ANKRD13D: variants seen among roughly 807,000 people sequenced by gnomAD.
ANKRD13D encodes ankyrin repeat domain-containing protein 13D.
In ANKRD13D, 24 loss-of-function variants were observed where a neutral mutation model predicts 68.8. The ratio of observed to expected loss-of-function variants is 0.35; its 90% CI spans 0.25 to 0.49. The LOEUF (loss-of-function observed/expected upper bound fraction) is 0.49, where lower values mean the gene tolerates loss of function less well. Ranked by LOEUF, ANKRD13D falls within the 20% of genes least tolerant of loss-of-function variation. The pLI is 0.99. For synonymous variants in ANKRD13D, 331 were observed against 336.1 expected (o/e 0.98, Z 0.16); for missense variants, 735 against 832.1 (o/e 0.88, Z 1.44).
At chr11:67,289,897 C>A in intron 1 of ANKRD13D, 181 bp from the exon 2 acceptor site, 1 of 1,437,540 alleles carries the variant, frequency 7.0e-7, no homozygotes, top group Non-Finnish European at 9.1e-7. Context: ...CCGGCTCTGC[C>A]CCTGCCTTCC....
chr11:67,293,423 T>G lies in ANKRD13D; in HGVS notation c.731+1243T>G, dbSNP rs951067212. Among the ~76,000 whole-genome samples the G allele has an allele frequency of 3.9e-5, 6 of 152,240 alleles. No individual in the cohort carries two copies. The East Asian group carries it at 1.2e-3, about 29-fold the overall frequency. On this transcript the variant is annotated intron_variant, in intron 6 of 14. Coordinates refer to ENST00000511455, the MANE Select transcript of ANKRD13D (RefSeq NM_207354.3). ...GATGACTAATGATGTTGAGCATCTTTTCATGTGCTTATTGGTCAATTGTAT... is the reference window on the plus strand; with the variant it reads ...GATGACTAATGATGTTGAGCATCTTGTCATGTGCTTATTGGTCAATTGTAT...
chr11:67,291,770 C>T, intron 5 of ANKRD13D, 24 bp downstream of exon 5: 2 of 1,611,852 alleles, frequency 1.2e-6, no homozygotes, highest in East Asian at 2.2e-5. Context: ...AAACTCATTG[C>T]AGCTCCTCGG....
Position 67,289,487 on chromosome 11 carries a change from G to T in ANKRD13D, c.27G>T (p.Pro9=). The change falls in exon 1 of 15, where the codon CCG becomes CCT. Residue 9 remains proline, a synonymous_variant. Coordinates refer to ENST00000511455, the MANE Select transcript of ANKRD13D (RefSeq NM_207354.3). ...TGGCCGGCCCGGGCCCCACCTTCCC[G>T]CTGCACCGGCTCGTCTGGGCGAACC... MAGPGPTF[P]LHRLVWANRH... is the part of the protein sequence containing the mutation. The T allele has an allele frequency of 1.3e-6, 2 of 1,512,846 alleles. No homozygotes were observed. The highest frequency in any genetic ancestry group is 8.8e-7 in the Non-Finnish European group (1 of 1,138,330). 93.7% of individuals were successfully genotyped at this position (1,512,846 alleles called of 1,614,324 possible).
chr11:67,302,132 A>G lies in ANKRD13D; in HGVS notation c.1618A>G (p.Ser540Gly). 1 of 1,578,072 alleles carries G rather than the reference A, an allele frequency of 6.3e-7. No homozygotes were observed. Among genetic ancestry groups the G allele is most frequent in the East Asian group, 2.3e-5 (1 of 43,450 alleles). The change falls in exon 15 of 15, where the codon AGC (serine) becomes GGC (glycine). Residue 540 changes from serine to glycine, a missense_variant. Ser to Gly is a moderately conservative substitution (Grantham distance 56). Coordinates refer to ENST00000511455, the MANE Select transcript of ANKRD13D (RefSeq NM_207354.3). ...QLQLERALQE[S>G]LQLSTEPRGP... is the part of the protein sequence containing the mutation. ...CCTGCCTGGAAGGGCCCTCCAGGAA[A>G]GCCTGCAGCTGTCCACAGAGCCCAG... is the stretch of plus-strand genomic sequence containing the variant.
At position 67,289,306 on chromosome 11, in the gene ANKRD13D, C is replaced by A; in HGVS notation, c.-155C>A. 1 of 251,630 alleles carries A rather than the reference C, an allele frequency of 4.0e-6. No individual in the cohort carries two copies. Among genetic ancestry groups the A allele is most frequent in the South Asian group, 1.3e-4 (1 of 7,446 alleles). 15.6% of individuals were successfully genotyped at this position (251,630 alleles called of 1,614,324 possible). A position where few individuals can be genotyped will look rare whatever the true frequency, so the allele number is the denominator to read the frequency against. On this transcript the variant is annotated 5_prime_UTR_variant, in exon 1 of 15. Transcript: ENST00000511455. Reference sequence around the variant, plus strand: ...CGCCCGCTCCGCCGCCCGCCCCGCCCTCCCTGCCGCCCGCGCTGCCGCCGC... The same window carrying A: ...CGCCCGCTCCGCCGCCCGCCCCGCCATCCCTGCCGCCCGCGCTGCCGCCGC...
intron 1 of ANKRD13D, chr11:67,289,772 G>T (rs1361504843): frequency 4.2e-6 from 6 of 1,412,734 alleles, no homozygotes; most frequent in Non-Finnish European, 4.6e-6. Context: ...GCCCGAACTC[G>T]CTTCCGCATC....
chr11:67,298,864 T>C, intron 6 of ANKRD13D, 194 bp from the exon 7 acceptor site: 1 of 612,914 alleles, frequency 1.6e-6, no homozygotes, highest in Non-Finnish European at 2.9e-6. Context: ...CAGTGTCTTC[T>C]AGTCCCAAGT....
intron 5 of ANKRD13D, 64 bp downstream of exon 5, chr11:67,291,810 G>A (rs893504850): frequency 9.5e-6 from 15 of 1,586,350 alleles, no homozygotes; most frequent in East Asian, 9.0e-5. Context: ...TTGGGAGGAC[G>A]GTGCTGCCTT....
chr11:67,291,447 C>T (rs751202804), intron 3 of ANKRD13D, 29 bp from the exon 4 acceptor site: 11 of 1,612,228 alleles, frequency 6.8e-6, no homozygotes, highest in South Asian at 1.1e-5. Context: ...GCAGGCAGGG[C>T]GCTGACAAGC....
chr11:67,289,950 C>T, intron 1 of ANKRD13D, 128 bp from the exon 2 acceptor site: 2 of 1,447,832 alleles, frequency 1.4e-6, no homozygotes, highest in Non-Finnish European at 1.8e-6. Flanking sequence ...GCAGGCCACC[C>T]TCTGCCATCT....
chr11:67,291,054 A>T, intron 3 of ANKRD13D: 1 of 223,094 alleles, frequency 4.5e-6, no homozygotes, highest in Non-Finnish European at 9.0e-6. Flanking sequence ...GAGCCATAGC[A>T]GTGCGTCAAG....
Position 67,301,616 on chromosome 11 carries a change from C to T in ANKRD13D, c.1477C>T (p.Gln493Ter). The T allele has an allele frequency of 1.2e-6, 2 of 1,612,808 alleles. No individual in the cohort carries two copies. The highest frequency in any genetic ancestry group is 8.5e-7 in the Non-Finnish European group (1 of 1,179,954). Residue 493 changes from glutamine to a stop codon, truncating the protein, a stop_gained, in exon 13 of 15, where the codon CAG becomes TAG. Transcript: ENST00000511455. LOFTEE classifies it high-confidence loss of function. This position sits in a 1 kb window ranked among gnomAD's most constrained non-coding sequence, Gnocchi z 4.5. Reference protein sequence around the residue: ...DDDLLQFAIQQSLLEAGTEAE... With the variant: ...DDDLLQFAIQ ...TGACCTCCTGCAGTTCGCCATCCAG[C>T]AGAGCCTGCTTGAAGCGGGCACTGA...
intron 3 of ANKRD13D, chr11:67,291,254 G>C: frequency 1.8e-6 from 1 of 551,478 alleles, no homozygotes; most frequent in Non-Finnish European, 3.2e-6. Flanking sequence ...CTACTCGGGA[G>C]GCTGAGGTGG....
At chr11:67,296,082 G>C (rs1160401284) in intron 6 of ANKRD13D, among the ~76,000 whole-genome samples, 1 of 152,110 alleles carries the variant, frequency 6.6e-6, no homozygotes, top group Non-Finnish European at 1.5e-5. Context: ...CTTGGTTGTG[G>C]TGTATAATTC....
At chr11:67,297,453 C>T (rs1198884380) in intron 6 of ANKRD13D, among the ~76,000 whole-genome samples, 1 of 152,064 alleles carries the variant, frequency 6.6e-6, no homozygotes, top group Non-Finnish European at 1.5e-5. Context: ...TCTCAGCCTC[C>T]CAAAGTGCTG....
chr11:67,302,328 A>G lies in ANKRD13D; in HGVS notation c.1814A>G (p.His605Arg). 3 of 1,523,416 alleles carry G rather than the reference A, an allele frequency of 2.0e-6. No individual in the cohort carries two copies. Among genetic ancestry groups the G allele is most frequent in the Non-Finnish European group, 2.7e-6 (3 of 1,127,698 alleles). 94.4% of individuals were successfully genotyped at this position (1,523,416 alleles called of 1,614,324 possible). The change falls in exon 15 of 15, where the codon CAC becomes CGC. Residue 605 changes from histidine to arginine, a missense_variant. Transcript: ENST00000511455. The stretch of plus-strand genomic sequence containing the variant: ...ATCCTGCAGCTGTCACTCACTGAGC[A>G]CTGAGCCATAGCCCCGGGAGGGCTG... ...QRILQLSLTE[H>R]
At position 67,299,468 on chromosome 11, in the gene ANKRD13D, G is replaced by C; in HGVS notation, c.799-62G>C. The C allele has an allele frequency of 7.2e-7, 1 of 1,393,668 alleles. No homozygotes were observed. Among genetic ancestry groups the C allele is most frequent in the Non-Finnish European group, 9.9e-7 (1 of 1,008,572 alleles). 86.3% of individuals were successfully genotyped at this position (1,393,668 alleles called of 1,614,324 possible). On this transcript the variant is annotated intron_variant, in intron 7 of 14. Transcript: ENST00000511455. The surrounding 1 kb of genome is among the most constrained non-coding windows in gnomAD (Gnocchi z 6.2). ...ACAGGAGGACCTGGGTTCTGCACTG[G>C]TGAGGCTGAGTGTGGGGAGCAGGCT...
At chr11:67,298,895 CT>C (rs754684560) in intron 6 of ANKRD13D, 162 bp from the exon 7 acceptor site, 31 of 692,610 alleles carry the variant, frequency 4.5e-5, no homozygotes, top group Middle Eastern at 3.6e-4. Context: ...GTGTCCCCCC[CT>C]GTCCAGGCAC....
intron 6 of ANKRD13D, 105 bp downstream of exon 6, chr11:67,292,285 G>T: frequency 1.5e-6 from 2 of 1,324,122 alleles, no homozygotes; most frequent in Non-Finnish European, 2.0e-6. Flanking sequence ...AGGCCTCTGG[G>T]CTCACTCACA....
Sources: allele counts gnomAD v4.1 joint callset (sites outside exome capture counted in the v4.1 genomes callset), GRCh38; gene constraint gnomAD v4.1.1; non-coding constraint Gnocchi (gnomAD v3.1); transcripts MANE v1.5; gene names NCBI Gene and HGNC (gene_info 2026-07-23, HGNC 2026-07-21).